QKI: variants seen among roughly 807,000 people sequenced by gnomAD.
QKI encodes KH domain-containing RNA-binding protein QKI.
A neutral mutation model predicts 39.0 loss-of-function variants in QKI; 10 were observed. The observed-to-expected ratio is 0.26, with a 90% CI of 0.16 to 0.43. QKI has a LOEUF of 0.43. Among genes scored for constraint, QKI ranks in the 20% least tolerant of loss-of-function variants. The pLI, the probability that QKI is intolerant of heterozygous loss-of-function variation, is 1.00. For synonymous variants in QKI, 204 were observed against 155.4 expected, an observed-to-expected ratio of 1.31 and a Z score of -2.33; for missense variants, 218 against 428.0, an observed-to-expected ratio of 0.51 and a Z score of 4.33.
At chr6:163,564,774 CTG>C (rs1333586836) in intron 6 of QKI, 37 of 1,611,894 alleles carry the variant, frequency 2.3e-5, no homozygotes, top group Non-Finnish European at 3.0e-5. Context: ...GTGGAACAAA[CTG>C]TTTCTGTGCA....
At chr6:163,514,331 A>C (rs1779664200) in intron 3 of QKI, among the ~76,000 whole-genome samples, 1 of 152,166 alleles carries the variant, frequency 6.6e-6, no homozygotes, top group South Asian at 2.1e-4. Flanking sequence ...AAAATGCAAC[A>C]AACAGCTTTA....
intron 3 of QKI, among the ~76,000 whole-genome samples, chr6:163,499,922 A>G (rs1778646073): frequency 6.6e-6 from 1 of 152,176 alleles, no homozygotes; most frequent in South Asian, 2.1e-4. Flanking sequence ...AATGCCAGGC[A>G]ATGTAAGTAT....
At chr6:163,504,187 C>T (rs1270402430) in intron 3 of QKI, among the ~76,000 whole-genome samples, 3 of 151,968 alleles carry the variant, frequency 2.0e-5, no homozygotes, top group Non-Finnish European at 4.4e-5. Context: ...TGTAGATGTT[C>T]TGGTTCTCTA....
At chr6:163,446,572 T>C (rs959608189) in intron 1 of QKI, among the ~76,000 whole-genome samples, 2 of 152,198 alleles carry the variant, frequency 1.3e-5, no homozygotes, top group African/African-American at 4.8e-5. Context: ...GTGACTATTA[T>C]ATATAGATGG....
rs147237573 is a variant in QKI at position 163,502,517 on chromosome 6, T to C, written c.402+23621T>C. The stretch of plus-strand genomic sequence containing the variant: ...AGAGCAAGTTCAACCTGGACCAAAA[T>C]TAAGATAAAGTGAATGTTTATCCCC... On this transcript the variant is annotated intron_variant, in intron 3 of 7. Transcript: ENST00000361752. Among the ~76,000 whole-genome samples the C allele has an allele frequency of 1.1e-3, 162 of 152,242 alleles. 3 individuals carry two copies. In the South Asian group the frequency reaches 0.032, roughly 30 times the overall value.
At chr6:163,556,580 A>C (rs1451464877) in intron 4 of QKI, among the ~76,000 whole-genome samples, 1 of 151,872 alleles carries the variant, frequency 6.6e-6, no homozygotes, top group African/African-American at 2.4e-5. Context: ...AATATGCATA[A>C]ATTAAAATAT....
chr6:163,524,656 G>A (rs976247372), intron 3 of QKI, among the ~76,000 whole-genome samples: 8 of 151,652 alleles, frequency 5.3e-5, no homozygotes, highest in African/African-American at 1.9e-4. Context: ...TAGTAGAGAC[G>A]GGGTTTCTCC....
At chr6:163,499,245 G>C (rs759226661) in intron 3 of QKI, among the ~76,000 whole-genome samples, 1 of 152,126 alleles carries the variant, frequency 6.6e-6, no homozygotes, top group Non-Finnish European at 1.5e-5. Flanking sequence ...AGTGATGATT[G>C]AACTTATTTG....
At chr6:163,457,933 A>ATT (rs887221517) in intron 2 of QKI, among the ~76,000 whole-genome samples, 28 of 152,288 alleles carry the variant, frequency 1.8e-4, no homozygotes, top group African/African-American at 6.5e-4. Flanking sequence ...TCAGGGAAGA[A>ATT]ATCTGTTACA....
intron 4 of QKI, among the ~76,000 whole-genome samples, chr6:163,554,661 GCCA>G (rs1263207990): frequency 6.6e-6 from 1 of 152,202 alleles, no homozygotes; most frequent in Non-Finnish European, 1.5e-5. Flanking sequence ...ATTACATGGA[GCCA>G]CCGTCTACTT....
chr6:163,452,326 A>G (rs955912381), intron 1 of QKI, among the ~76,000 whole-genome samples: 2 of 152,152 alleles, frequency 1.3e-5, no homozygotes, highest in Admixed American at 6.5e-5. Flanking sequence ...TTTCATTCCC[A>G]TCATTACTAT....
chr6:163,505,086 C>T (rs1174237031), intron 3 of QKI, among the ~76,000 whole-genome samples: 2 of 152,178 alleles, frequency 1.3e-5, no homozygotes, highest in Non-Finnish European at 2.9e-5. Context: ...AGGACACAAG[C>T]CCCAAGCCTT....
intron 1 of QKI, among the ~76,000 whole-genome samples, chr6:163,423,920 T>A (rs1173081528): frequency 6.6e-6 from 1 of 152,222 alleles, no homozygotes; most frequent in Non-Finnish European, 1.5e-5. Flanking sequence ...TGTATCAGTT[T>A]TAGATCAGCC....
At chr6:163,458,886 T>A (rs1273681221) in intron 2 of QKI, among the ~76,000 whole-genome samples, 2 of 152,184 alleles carry the variant, frequency 1.3e-5, no homozygotes, top group Non-Finnish European at 2.9e-5. Context: ...AAAAACTCTT[T>A]GATATAGTAA....
At chr6:163,455,854 T>C (rs987778676) in intron 2 of QKI, among the ~76,000 whole-genome samples, 8 of 152,198 alleles carry the variant, frequency 5.3e-5, no homozygotes, top group African/African-American at 1.9e-4. Context: ...AATCTGATTT[T>C]CCCCCATCTT....
Position 163,455,313 on chromosome 6 carries a change from C to G in QKI, c.177C>G (p.Asp59Glu). 6.2e-7 allele frequency: 1 copy of G among 1,613,052 alleles called. No homozygotes were observed. Among genetic ancestry groups the G allele is most frequent in the African/African-American group, 1.3e-5 (1 of 74,980 alleles). Residue 59 changes from aspartate (D) to glutamate (E), a missense_variant, in exon 2 of 8, where the codon GAC (aspartate) becomes GAG (glutamate). By Grantham distance (45) the Asp-to-Glu change is conservative. This residue lies in a region of QKI where 61 missense variants were observed against 193.3 expected (regional missense o/e 0.32). Coordinates refer to ENST00000361752, the MANE Select transcript of QKI (RefSeq NM_006775.3). ...GAGTACGGAAAGACATGTACAATGA[C>G]ACATTAAATGGCAGTACAGAGAAAA... ...ISRVRKDMYN[D>E]TLNGSTEKRS...
At chr6:163,494,920 T>C (rs1212328031) in intron 3 of QKI, among the ~76,000 whole-genome samples, 2 of 145,018 alleles carry the variant, frequency 1.4e-5, no homozygotes, top group East Asian at 3.9e-4. Context: ...TATTTATTTA[T>C]TTATTTTTTT....
chr6:163,435,509 A>G (rs1437697450), intron 1 of QKI, among the ~76,000 whole-genome samples: 4 of 152,216 alleles, frequency 2.6e-5, no homozygotes, highest in African/African-American at 9.6e-5. Flanking sequence ...CATTGGAATC[A>G]TAGGGTATTT....
intron 1 of QKI, among the ~76,000 whole-genome samples, chr6:163,428,700 T>G (rs565848965): frequency 6.6e-6 from 1 of 152,250 alleles, no homozygotes; most frequent in South Asian, 2.1e-4. Context: ...TTCAGAAGTG[T>G]ACTTTAATGT....
Sources: gnomAD v4.1 joint callset for allele counts (sites outside exome capture counted in the v4.1 genomes callset) on GRCh38, gnomAD v4.1.1 for gene constraint, gnomAD v4.1.1 regional missense constraint, MANE v1.5 for transcripts, NCBI Gene and HGNC (gene_info 2026-07-23, HGNC 2026-07-21) for gene names.